Variants in NOD1 observed in about 807,000 individuals in gnomAD.
NOD1 encodes nucleotide binding oligomerization domain containing 1.
NOD1 carries 70 observed loss-of-function variants against 81.2 expected under a neutral mutation model. That is an observed-to-expected ratio of 0.86 (90% CI 0.71 to 1.05). The LOEUF (loss-of-function observed/expected upper bound fraction) is 1.05. Ranked by LOEUF, NOD1 falls within the 50% of genes least tolerant of loss-of-function variation. NOD1 has a pLI of 0.00. For missense variants in NOD1, 1,233 were observed against 1,228.0 expected (o/e 1.00, Z -0.06); for synonymous variants, 508 against 526.9 (o/e 0.96, Z 0.49).
In NOD1 at chr7:30,455,223, T is replaced by C; in HGVS notation, c.290A>G (p.Tyr97Cys). 6.2e-7 allele frequency: 1 copy of C among 1,614,144 alleles called. No homozygotes were observed. The highest frequency in any genetic ancestry group is 8.5e-7 in the Non-Finnish European group (1 of 1,180,006). ...CAGCAGCCAAGGCCTGAGGTCCACG[T>C]AGGCATCTGCGAGTTGCTGGAGCAA... ...LYLLQQLADA[Y>C]VDLRPWLLEI... The change falls in exon 5 of 14, where the codon TAC becomes TGC. Residue 97 changes from tyrosine (Y) to cysteine (C), a missense_variant. By Grantham distance (194) the Tyr-to-Cys change is radical. Transcript: ENST00000222823.
chr7:30,454,393 G>A (rs1430737086), intron 5 of NOD1, among the ~76,000 whole-genome samples: 1 of 152,146 alleles, frequency 6.6e-6, no homozygotes, highest in Admixed American at 6.5e-5. Context: ...GCTGACTGGT[G>A]GTCTCTTCCA....
intron 7 of NOD1, 72 bp from the exon 8 acceptor site, chr7:30,447,122 C>G: frequency 6.2e-7 from 1 of 1,609,988 alleles, no homozygotes; most frequent in Non-Finnish European, 8.5e-7. Flanking sequence ...TTTTTTGAAG[C>G]ATATGGTGTC....
chr7:30,473,353 A>C (rs1788466971), intron 1 of NOD1, among the ~76,000 whole-genome samples: 1 of 152,176 alleles, frequency 6.6e-6, no homozygotes, highest in African/African-American at 2.4e-5. Flanking sequence ...ATTATTTTCA[A>C]TACTGTTGCT....
At chr7:30,464,110 G>A (rs1787436587) in intron 1 of NOD1, 1 of 152,212 alleles carries the variant, frequency 6.6e-6, no homozygotes, top group Non-Finnish European at 1.5e-5. Flanking sequence ...TTATAAAGAA[G>A]GGTAAGAACT....
At chr7:30,457,750 C>T (rs572050276) in intron 3 of NOD1, among the ~76,000 whole-genome samples, 81 of 152,174 alleles carry the variant, frequency 5.3e-4, no homozygotes, top group African/African-American at 1.8e-3. Flanking sequence ...TGGTGGGAGA[C>T]GGTCTCAGCA....
intron 1 of NOD1, among the ~76,000 whole-genome samples, chr7:30,469,778 C>A (rs1788075986): frequency 6.6e-6 from 1 of 152,248 alleles, no homozygotes; most frequent in Admixed American, 6.5e-5. Context: ...CTGGGCAGGG[C>A]CCTGGACTTG....
At position 30,456,845 on chromosome 7, in the gene NOD1, T is replaced by C. The variant is rs181282889; in HGVS notation, c.77A>G (p.Asn26Ser). The change falls in exon 4 of 14, where the codon AAT (asparagine) becomes AGT (serine). Residue 26 changes from asparagine (N) to serine (S), a missense_variant. By Grantham distance (46) the Asn-to-Ser change is conservative. Coordinates refer to ENST00000222823, the MANE Select transcript of NOD1 (RefSeq NM_006092.4). The part of the protein sequence containing the change: ...SHPHIQLLKS[N>S]RELLVTHIRN... Reference sequence around the variant, plus strand: ...GATGTGAGTGACCAGAAGTTCCCGATTGCTTTTCAGTAATTGAATGTGGGG... The same window carrying C: ...GATGTGAGTGACCAGAAGTTCCCGACTGCTTTTCAGTAATTGAATGTGGGG... 1.9e-6 allele frequency: 3 copies of C among 1,614,178 alleles called. No homozygotes were observed. The highest frequency in any genetic ancestry group is 1.3e-5 in the African/African-American group (1 of 75,048).
At chr7:30,431,443 G>A (rs1319126961) in intron 12 of NOD1, among the ~76,000 whole-genome samples, 6 of 152,224 alleles carry the variant, frequency 3.9e-5, no homozygotes, top group Admixed American at 2.6e-4. Context: ...TGGCATAGGA[G>A]AGACATATAA....
chr7:30,460,768 CT>C (rs1410790819), intron 1 of NOD1: 1 of 816,572 alleles, frequency 1.2e-6, no homozygotes, highest in Non-Finnish European at 1.5e-6. Flanking sequence ...CTCAACCGCT[CT>C]TCTTTCTAGC....
intron 6 of NOD1, among the ~76,000 whole-genome samples, chr7:30,450,500 A>G (rs1480912533): frequency 6.6e-6 from 1 of 152,204 alleles, no homozygotes; most frequent in Non-Finnish European, 1.5e-5. Flanking sequence ...GGAAATGCTA[A>G]TAGAAGAAAA....
intron 1 of NOD1, among the ~76,000 whole-genome samples, chr7:30,474,676 C>T (rs569117960): frequency 1.4e-4 from 22 of 152,352 alleles, no homozygotes; most frequent in African/African-American, 5.3e-4. Flanking sequence ...CACTGCTGCT[C>T]ACCTTCTGCT....
rs766329324 is a variant in NOD1, at chr7:30,451,254, C to T, written c.2163G>A (p.Arg721=). The change falls in exon 6 of 14, where the codon CGG becomes CGA. Residue 721 remains arginine (R), a synonymous_variant. Transcript: ENST00000222823. The surrounding 1 kb of genome is among the most constrained non-coding windows in gnomAD (Gnocchi z 4.2). ...DNNNLNDYGV[R]ELQPCFSRLT... Reference sequence around the variant, plus strand: ...GGCGGCTGAAGCAGGGCTGCAGCTCCCGCACGCCGTAGTCGTTGAGATTGT... The same window carrying T: ...GGCGGCTGAAGCAGGGCTGCAGCTCTCGCACGCCGTAGTCGTTGAGATTGT... 2 of 1,614,024 alleles carry T rather than the reference C, an allele frequency of 1.2e-6. No homozygotes were observed. Among genetic ancestry groups the T allele is most frequent in the South Asian group, 2.2e-5 (2 of 91,074 alleles).
chr7:30,448,882 CA>C (rs1241429229), intron 6 of NOD1, among the ~76,000 whole-genome samples: 1 of 152,160 alleles, frequency 6.6e-6, no homozygotes, highest in Non-Finnish European at 1.5e-5. Context: ...CCCAAAATGC[CA>C]ACAGCTTCCC....
chr7:30,477,193 C>A (rs1478485463), intron 1 of NOD1, among the ~76,000 whole-genome samples: 3 of 152,222 alleles, frequency 2.0e-5, no homozygotes, highest in Non-Finnish European at 4.4e-5. Flanking sequence ...AAAAATAAAA[C>A]CTACTCTTCT....
intron 10 of NOD1, 48 bp downstream of exon 10, chr7:30,437,525 G>C (rs1784484697): frequency 7.9e-7 from 1 of 1,264,606 alleles, no homozygotes; most frequent in South Asian, 1.7e-5. Flanking sequence ...ACCTAGAGCA[G>C]CTGGGAGGGA....
intron 1 of NOD1, chr7:30,463,624 C>G (rs1290135355): frequency 2.0e-5 from 3 of 152,616 alleles, no homozygotes; most frequent in African/African-American, 7.2e-5. Context: ...GTCACTTTCA[C>G]CGCAGGCTTC....
Position 30,478,771 on chromosome 7 carries a change from C to T in NOD1, c.-517G>A, listed in dbSNP as rs944274686. 3.3e-5 allele frequency: 5 copies of T among 152,210 alleles called. No homozygotes were observed. Among genetic ancestry groups the T allele is most frequent in the African/African-American group, 1.2e-4 (5 of 41,448 alleles). The allele number at this position is 152,210 out of a possible 1,614,324, so 9.4% of individuals were successfully genotyped here. A position where few individuals can be genotyped will look rare whatever the true frequency, so the allele number is the denominator to read the frequency against. ...GGACCGGGGCGGCTGCCTCGCGGGC[C>T]CGGAACGGGAACTGGCTGCGACTAC... On this transcript the variant is annotated 5_prime_UTR_variant, in exon 1 of 14. Coordinates refer to ENST00000222823, the MANE Select transcript of NOD1 (RefSeq NM_006092.4). This position sits in a 1 kb window ranked among gnomAD's most constrained non-coding sequence, Gnocchi z 4.1.
chr7:30,478,158 C>A lies in NOD1; in HGVS notation c.-352+448G>T, dbSNP rs1213816215. 6.6e-6 allele frequency among the ~76,000 whole-genome samples: 1 copy of A among 152,106 alleles called. No homozygotes were observed. The highest frequency in any genetic ancestry group is 1.5e-5 in the Non-Finnish European group (1 of 68,028). Reference sequence around the variant, plus strand: ...TGCTGTCCCGTCTGCAGGCGGGACTCCATGAAGGCCCCTGTCTGCCCTTCC... The same window carrying A: ...TGCTGTCCCGTCTGCAGGCGGGACTACATGAAGGCCCCTGTCTGCCCTTCC... On this transcript the variant is annotated intron_variant, in intron 1 of 13. Coordinates refer to ENST00000222823, the MANE Select transcript of NOD1 (RefSeq NM_006092.4). The surrounding 1 kb of genome is among the most constrained non-coding windows in gnomAD (Gnocchi z 4.1).
chr7:30,447,436 A>G, intron 7 of NOD1: 1 of 255,720 alleles, frequency 3.9e-6, no homozygotes. Flanking sequence ...GCGTCTTGAG[A>G]AGAAAAGATT....
Sources: gnomAD v4.1 joint callset for allele counts (sites outside exome capture counted in the v4.1 genomes callset) on GRCh38, gnomAD v4.1.1 for gene constraint, Gnocchi (gnomAD v3.1) non-coding constraint, MANE v1.5 for transcripts, NCBI Gene and HGNC (gene_info 2026-07-23, HGNC 2026-07-21) for gene names.